Variants in CSMD1 observed in about 807,000 individuals in gnomAD.
The protein encoded by CSMD1 is CUB and Sushi multiple domains 1.
Under a neutral mutation model 417.5 loss-of-function variants are expected in CSMD1, and 213 were observed. The ratio of observed to expected loss-of-function variants is 0.51; its 90% confidence interval spans 0.46 to 0.57. The LOEUF (loss-of-function observed/expected upper bound fraction) is 0.57. CSMD1 is among the 20% of genes least tolerant of loss of function. The pLI is 0.00. For synonymous variants in CSMD1, 2,862 were observed against 1,736.8 expected, an observed-to-expected ratio of 1.65 and a Z score of -16.11; for missense variants, 6,923 against 4,529.7, an observed-to-expected ratio of 1.53 and a Z score of -15.17.
intron 3 of CSMD1, among the ~76,000 whole-genome samples, chr8:4,089,008 C>T (rs1470877324): frequency 1.3e-5 from 2 of 152,244 alleles, no homozygotes. Context: ...GATCCCCTTG[C>T]TGAGGGTCTC....
chr8:4,768,332 G>C (rs778644215), intron 1 of CSMD1, among the ~76,000 whole-genome samples: 4 of 151,900 alleles, frequency 2.6e-5, no homozygotes, highest in Non-Finnish European at 5.9e-5. Context: ...ATCGTAACAT[G>C]AGCCGGTACA....
chr8:4,987,009 A>G (rs985273778), intron 1 of CSMD1, among the ~76,000 whole-genome samples: 4 of 152,198 alleles, frequency 2.6e-5, no homozygotes, highest in African/African-American at 9.6e-5. Context: ...TGCATATAGT[A>G]TACATCAGGT....
At chr8:4,956,286 C>A (rs1809105820) in intron 1 of CSMD1, among the ~76,000 whole-genome samples, 1 of 151,606 alleles carries the variant, frequency 6.6e-6, no homozygotes, top group Admixed American at 6.6e-5. Flanking sequence ...TGCATAGTCT[C>A]ATAATTTTAA....
At chr8:4,446,901 G>T (rs150351229) in intron 2 of CSMD1, among the ~76,000 whole-genome samples, 2,513 of 151,358 alleles carry the variant, frequency 0.017, 87 homozygotes, top group African/African-American at 0.058. Context: ...GATTACAGGC[G>T]TGAGCCATTG....
At chr8:3,838,554 G>A (rs1279450230) in intron 5 of CSMD1, among the ~76,000 whole-genome samples, 1 of 111,904 alleles carries the variant, frequency 8.9e-6, no homozygotes. Context: ...TGTACTCTCT[G>A]TAGATATATA....
intron 12 of CSMD1, among the ~76,000 whole-genome samples, chr8:3,443,333 GGAGAGAGA>G (rs199701572): frequency 1.3e-5 from 2 of 152,106 alleles, no homozygotes; most frequent in Non-Finnish European, 2.9e-5. Flanking sequence ...CAGAGAAAGA[GGAGAGAGA>G]GAGAAAGAGA....
chr8:3,536,875 G>C, intron 10 of CSMD1, among the ~76,000 whole-genome samples: 1 of 152,278 alleles, frequency 6.6e-6, no homozygotes, highest in South Asian at 2.1e-4. Flanking sequence ...AGAATCCCAG[G>C]TAGAGAAAAT....
At chr8:3,765,491 G>T (rs1798215474) in intron 5 of CSMD1, among the ~76,000 whole-genome samples, 1 of 152,100 alleles carries the variant, frequency 6.6e-6, no homozygotes, top group Non-Finnish European at 1.5e-5. Flanking sequence ...TGCACTCTGA[G>T]CCCACTGAGG....
intron 23 of CSMD1, among the ~76,000 whole-genome samples, chr8:3,333,160 A>G (rs1472729374): frequency 6.6e-6 from 1 of 152,122 alleles, no homozygotes; most frequent in Non-Finnish European, 1.5e-5. Flanking sequence ...GACAGCCTGA[A>G]GAGGCCCCTG....
At chr8:4,287,978 T>G (rs1385728911) in intron 3 of CSMD1, among the ~76,000 whole-genome samples, 2 of 152,176 alleles carry the variant, frequency 1.3e-5, no homozygotes, top group Non-Finnish European at 2.9e-5. Context: ...AATATGATAA[T>G]AAAATTAAGG....
chr8:3,634,247 T>G (rs1322145665), intron 7 of CSMD1, among the ~76,000 whole-genome samples: 2 of 152,190 alleles, frequency 1.3e-5, no homozygotes, highest in East Asian at 3.9e-4. Context: ...GTGGGGGCCT[T>G]TGGCCACTTG....
chr8:4,848,458 T>A (rs976083682), intron 1 of CSMD1, among the ~76,000 whole-genome samples: 1 of 152,228 alleles, frequency 6.6e-6, no homozygotes, highest in African/African-American at 2.4e-5. Flanking sequence ...ACTCATGGGT[T>A]TGTTGTGATG....
At chr8:4,030,996 T>G (rs1376914770) in intron 4 of CSMD1, among the ~76,000 whole-genome samples, 1 of 152,170 alleles carries the variant, frequency 6.6e-6, no homozygotes, top group Non-Finnish European at 1.5e-5. Flanking sequence ...GTTTCTCATC[T>G]CCATCCGAGA....
intron 1 of CSMD1, among the ~76,000 whole-genome samples, chr8:4,839,726 C>G (rs1399373812): frequency 6.6e-6 from 1 of 152,144 alleles, no homozygotes; most frequent in Non-Finnish European, 1.5e-5. Flanking sequence ...TTGGTAATAA[C>G]TATACAAAGT....
At position 4,939,180 on chromosome 8, in the gene CSMD1, G is replaced by C. The variant is rs1484634540; in HGVS notation, c.85+55152C>G. ...GTCTATTTTTGCTTCTTGGGGAAAA[G>C]AAAATCCACGTACACTGTTGGTGGG... On this transcript the variant is annotated intron_variant, in intron 1 of 69. Transcript: ENST00000635120. 2.0e-5 allele frequency among the ~76,000 whole-genome samples: 3 copies of C among 152,148 alleles called. No individual in the cohort carries two copies. In the East Asian group the frequency reaches 5.8e-4, roughly 29 times the overall value.
intron 8 of CSMD1, among the ~76,000 whole-genome samples, chr8:3,615,763 T>A (rs898086330): frequency 6.6e-6 from 1 of 152,084 alleles, no homozygotes; most frequent in African/African-American, 2.4e-5. Flanking sequence ...TTTTTTTGGA[T>A]TTTTTTCAAA....
chr8:3,616,742 T>C lies in CSMD1; in HGVS notation c.1065A>G (p.Pro355=). 1 of 1,612,584 alleles carries C rather than the reference T, an allele frequency of 6.2e-7. No individual in the cohort carries two copies. Among genetic ancestry groups the C allele is most frequent in the Non-Finnish European group, 8.5e-7 (1 of 1,179,134 alleles). Residue 355 remains proline, a synonymous_variant, in exon 8 of 70, where the codon CCA becomes CCG. Coordinates refer to ENST00000635120, the MANE Select transcript of CSMD1 (RefSeq NM_033225.6). The stretch of plus-strand genomic sequence containing the variant: ...CGGAACCTGCTCTTCTACCATTTTC[T>C]GGAATCCCAGGATCTGGACACATGT... ...VSDMCPDPGI[P]ENGRRAGSDF... is the part of the protein sequence containing the mutation.
At chr8:3,734,403 C>A (rs1796421146) in intron 6 of CSMD1, among the ~76,000 whole-genome samples, 2 of 152,172 alleles carry the variant, frequency 1.3e-5, no homozygotes, top group African/African-American at 4.8e-5. Context: ...ATTGGGAACA[C>A]TGCTCAATTT....
chr8:4,708,085 A>G (rs1808064099), intron 1 of CSMD1, among the ~76,000 whole-genome samples: 1 of 151,970 alleles, frequency 6.6e-6, no homozygotes, highest in African/African-American at 2.4e-5. Context: ...CTGGGAGAAC[A>G]GGCATCTGCC....
Sources: gnomAD v4.1 joint callset for allele counts (sites outside exome capture counted in the v4.1 genomes callset) on GRCh38, gnomAD v4.1.1 for gene constraint, MANE v1.5 for transcripts, NCBI Gene and HGNC (gene_info 2026-07-23, HGNC 2026-07-21) for gene names.